The following RERE variants were observed in gnomAD, a reference collection of about 807,000 sequenced individuals.
The protein encoded by RERE is arginine-glutamic acid dipeptide repeats protein.
A neutral mutation model predicts 146.1 loss-of-function variants in RERE; 40 were observed. That is an observed-to-expected ratio of 0.27 (90% CI 0.21 to 0.36). The LOEUF is 0.36. Ranked by LOEUF, RERE falls within the 10% of genes least tolerant of loss-of-function variation. The probability of loss-of-function intolerance (pLI) is 1.00; values close to 1 mark genes in which losing one functional copy is unlikely to be tolerated. For missense variants in RERE, 1,933 were observed against 2,138.7 expected, an observed-to-expected ratio of 0.90 and a Z score of 1.90; for synonymous variants, 1,003 against 866.0, an observed-to-expected ratio of 1.16 and a Z score of -2.78.
In RERE at chr1:8,700,146, A is replaced by C. The variant is rs192355865; in HGVS notation, c.-144-43705T>G. Among the ~76,000 whole-genome samples the C allele has an allele frequency of 2.8e-3, 429 of 152,194 alleles. 2 individuals are homozygous for C. The highest frequency in any genetic ancestry group is 0.014 in the Middle Eastern group (4 of 294). ...ATAGTGAAACCCCATCTCTACTAAA[A>C]ATACAAAAATTAGCCAGGCGTGGTG... On this transcript the variant is annotated intron_variant, in intron 1 of 22. Coordinates refer to ENST00000400908, the MANE Select transcript of RERE (RefSeq NM_001042681.2).
intron 12 of RERE, among the ~76,000 whole-genome samples, chr1:8,407,457 G>T (rs301794): frequency 1 from 151,773 of 152,350 alleles, 75,601 homozygotes; most frequent in Middle Eastern, 1. Context: ...AACAAAGAAT[G>T]TCTAAGATAA....
intron 12 of RERE, among the ~76,000 whole-genome samples, chr1:8,388,376 G>A (rs1642757908): frequency 6.6e-6 from 1 of 151,388 alleles, no homozygotes; most frequent in Admixed American, 6.6e-5. Flanking sequence ...GCGGACTGCA[G>A]TGGCGCAATC....
intron 4 of RERE, among the ~76,000 whole-genome samples, chr1:8,602,607 GT>G (rs1224932634): frequency 6.6e-6 from 1 of 151,976 alleles, no homozygotes; most frequent in East Asian, 1.9e-4. Flanking sequence ...TACTTGTTTG[GT>G]TTCGTGCCCC....
chr1:8,682,419 A>G (rs1570603172), intron 1 of RERE, among the ~76,000 whole-genome samples: 2 of 152,294 alleles, frequency 1.3e-5, no homozygotes, highest in Admixed American at 1.3e-4. Context: ...TGAAAATATT[A>G]TGTGGCTTGT....
intron 4 of RERE, among the ~76,000 whole-genome samples, chr1:8,611,510 A>T (rs1455008540): frequency 6.6e-6 from 1 of 152,178 alleles, no homozygotes; most frequent in Non-Finnish European, 1.5e-5. Context: ...TCTCAAAACA[A>T]AAACAACAAC....
chr1:8,699,210 G>A (rs748612429), intron 1 of RERE, among the ~76,000 whole-genome samples: 13 of 152,086 alleles, frequency 8.5e-5, no homozygotes, highest in East Asian at 1.9e-4. Context: ...AAAGCATTTC[G>A]TAAACCCTCT....
At chr1:8,413,726 G>C (rs945343479) in intron 12 of RERE, among the ~76,000 whole-genome samples, 1 of 152,036 alleles carries the variant, frequency 6.6e-6, no homozygotes, top group Non-Finnish European at 1.5e-5. Flanking sequence ...CCAGCCTGGG[G>C]AGGAGCAGAG....
chr1:8,757,929 C>CAT (rs1553145861), intron 1 of RERE, among the ~76,000 whole-genome samples: 12 of 151,684 alleles, frequency 7.9e-5, no homozygotes, highest in Admixed American at 1.3e-4. Context: ...CACACACACA[C>CAT]ATATATATGC....
chr1:8,564,816 G>C lies in RERE; in HGVS notation c.523-7293C>G, dbSNP rs200448880. Among the ~76,000 whole-genome samples, 18 of 130,444 alleles carry C rather than the reference G, an allele frequency of 1.4e-4. No individual in the cohort carries two copies. The East Asian group carries it at 3.7e-3, about 27-fold the overall frequency. The allele number at this position is 130,444 out of a possible 152,430, so 85.6% of individuals were successfully genotyped here. On this transcript the variant is annotated intron_variant, in intron 4 of 22. Transcript: ENST00000400908. Reference sequence around the variant, plus strand: ...GAAAATGTGGTGTGTGTGTATGTATGTGTGTGTATATGTGTATGTGTGTGT... The same window carrying C: ...GAAAATGTGGTGTGTGTGTATGTATCTGTGTGTATATGTGTATGTGTGTGT...
chr1:8,815,924 T>C (rs1447721159), intron 1 of RERE, among the ~76,000 whole-genome samples: 2 of 152,034 alleles, frequency 1.3e-5, no homozygotes, highest in East Asian at 3.8e-4. Flanking sequence ...CAGGGAGAGC[T>C]GGAAGCCAGC....
intron 12 of RERE, among the ~76,000 whole-genome samples, chr1:8,403,446 T>TTCTTGC (rs1643332483): frequency 1.3e-5 from 2 of 151,268 alleles, no homozygotes; most frequent in Non-Finnish European, 2.9e-5. Context: ...TTTTTTTTTT[T>TTCTTGC]TTCCTGCTTC....
At chr1:8,601,309 T>G (rs779253368) in intron 4 of RERE, among the ~76,000 whole-genome samples, 23 of 152,156 alleles carry the variant, frequency 1.5e-4, no homozygotes, top group Non-Finnish European at 2.5e-4. Context: ...TGAGCCACCA[T>G]GCCTGGCCAA....
At chr1:8,735,855 C>T (rs1222122277) in intron 1 of RERE, among the ~76,000 whole-genome samples, 1 of 152,118 alleles carries the variant, frequency 6.6e-6, no homozygotes, top group Non-Finnish European at 1.5e-5. Flanking sequence ...CCCAGCCTTG[C>T]TTCCTGTACA....
Position 8,671,489 on chromosome 1 carries a change from C to CTA in RERE, c.-144-15049_-144-15048insTA, listed in dbSNP as rs1228996613. ...CGCTAGAAGACACATAGGATGGAAA[C>CTA]ACCTCCCCCTGCTGTTTCACAGGGA... On this transcript the variant is annotated intron_variant, in intron 1 of 22. Coordinates refer to ENST00000400908, the MANE Select transcript of RERE (RefSeq NM_001042681.2). 3.0e-4 allele frequency among the ~76,000 whole-genome samples: 45 copies of CTA among 152,312 alleles called. No individual in the cohort carries two copies. The South Asian group carries it at 8.3e-3, about 28-fold the overall frequency.
intron 1 of RERE, among the ~76,000 whole-genome samples, chr1:8,813,922 C>A (rs1641862754): frequency 6.6e-6 from 1 of 152,050 alleles, no homozygotes; most frequent in Admixed American, 6.6e-5. Context: ...GCCTTACTGT[C>A]CTATTTTTTA....
chr1:8,588,476 T>C (rs1646454258), intron 4 of RERE, among the ~76,000 whole-genome samples: 1 of 152,158 alleles, frequency 6.6e-6, no homozygotes, highest in Non-Finnish European at 1.5e-5. Context: ...TGCTTGGTTT[T>C]ATGTAACTCT....
chr1:8,765,992 A>G (rs1050012802), intron 1 of RERE, among the ~76,000 whole-genome samples: 5 of 152,138 alleles, frequency 3.3e-5, no homozygotes, highest in African/African-American at 1.2e-4. Flanking sequence ...GCATGCCTGT[A>G]ATCCTAGCTA....
Position 8,360,334 on chromosome 1 carries a change from G to T in RERE, c.3173C>A (p.Pro1058Gln), listed in dbSNP as rs1360118498. Residue 1058 changes from proline (P) to glutamine (Q), a missense_variant, in exon 18 of 23, where the codon CCA becomes CAA. Physicochemically the swap from Pro to Gln is moderately conservative, Grantham distance 76. Coordinates refer to ENST00000400908, the MANE Select transcript of RERE (RefSeq NM_001042681.2). ...GGCCGAGGTGCCAGGTCCCGCCGGT[G>T]GGGTAGAGGTGGAGGGGCAGGTCGG... ...TPPTCPSTST[P>Q]PAGPGTSAQP... The T allele has an allele frequency of 1.3e-6, 2 of 1,518,064 alleles. No individual in the cohort carries two copies. Among genetic ancestry groups the T allele is most frequent in the Admixed American group, 4.1e-5 (2 of 48,526 alleles). 94.0% of individuals were successfully genotyped at this position (1,518,064 alleles called of 1,614,324 possible).
At chr1:8,641,798 C>A (rs546668885) in intron 2 of RERE, among the ~76,000 whole-genome samples, 1 of 152,154 alleles carries the variant, frequency 6.6e-6, no homozygotes, top group Non-Finnish European at 1.5e-5. Flanking sequence ...CATGGCGACA[C>A]CTTAAGTAAT....
Sources: allele counts gnomAD v4.1 joint callset (sites outside exome capture counted in the v4.1 genomes callset), GRCh38; gene constraint gnomAD v4.1.1; transcripts MANE v1.5; gene names NCBI Gene and HGNC (gene_info 2026-07-23, HGNC 2026-07-21).